The following DDOST variants were observed in gnomAD, a reference collection of about 807,000 sequenced individuals.
DDOST encodes the protein dolichyl-diphosphooligosaccharide--protein glycosyltransferase 48 kDa subunit.
DDOST carries 25 observed loss-of-function variants against 47.6 expected under a neutral mutation model. That is an observed-to-expected ratio of 0.53 (90% confidence interval 0.38 to 0.73). The LOEUF is 0.73. Among genes scored for constraint, DDOST ranks in the 30% least tolerant of loss-of-function variants. The pLI is 0.00. For missense variants in DDOST, 526 were observed against 573.9 expected (o/e 0.92, Z 0.85); for synonymous variants, 275 against 236.0 (o/e 1.17, Z -1.51).
chr1:20,660,775 T>A lies in DDOST; in HGVS notation c.265+106A>T. On this transcript the variant is annotated intron_variant, in intron 2 of 10. Transcript: ENST00000602624. ...TCTCCGTGGTAGCACCATCCAGGAC[T>A]GGCAACCCATCCTGTGACCCAGGAC... 4.4e-6 allele frequency: 3 copies of A among 686,580 alleles called. No homozygotes were observed. The South Asian group carries it at 5.2e-5, about 12-fold the overall frequency. 42.5% of individuals were successfully genotyped at this position (686,580 alleles called of 1,614,324 possible). A position where few individuals can be genotyped will look rare whatever the true frequency, so the allele number is the denominator to read the frequency against.
chr1:20,661,138 C>T (rs947926749), intron 1 of DDOST, 59 bp downstream of exon 1: 2 of 1,569,208 alleles, frequency 1.3e-6, no homozygotes, highest in Non-Finnish European at 1.7e-6. Flanking sequence ...TGGTCAATGC[C>T]CTCGATGCTG....
intron 2 of DDOST, among the ~76,000 whole-genome samples, chr1:20,656,438 C>T (rs1349957176): frequency 6.6e-6 from 1 of 152,220 alleles, no homozygotes; most frequent in Non-Finnish European, 1.5e-5. Context: ...AACAGTCAAA[C>T]ATCCACTAAT....
rs184384404 is a variant in DDOST at position 20,655,762 on chromosome 1, G to A, written c.370C>T (p.Leu124=). 1.7e-5 allele frequency: 27 copies of A among 1,614,056 alleles called. No homozygotes were observed. In the East Asian group the frequency reaches 5.8e-4, roughly 35 times the overall value. ...SSDIGDPLRE[L]GSECGIEFDE... ...AACTCAATCCCGCACTCACTGCCCAGCTCTCGAAGAGGGTCACCTGCACAG... is the reference window on the plus strand; with the variant it reads ...AACTCAATCCCGCACTCACTGCCCAACTCTCGAAGAGGGTCACCTGCACAG... Residue 124 remains leucine, a synonymous_variant, in exon 4 of 11, where the codon CTG becomes TTG. Transcript: ENST00000602624.
chr1:20,660,821 A>G (rs1461507124), intron 2 of DDOST, 60 bp downstream of exon 2: 2 of 996,158 alleles, frequency 2.0e-6, no homozygotes, highest in Admixed American at 1.8e-5. Flanking sequence ...ACCAGAAGAA[A>G]GCAATCCATC....
intron 1 of DDOST, 39 bp from the exon 2 acceptor site, chr1:20,661,030 G>T: frequency 6.5e-7 from 1 of 1,535,322 alleles, no homozygotes; most frequent in Non-Finnish European, 9.0e-7. Context: ...AAGACGGGAC[G>T]CGAAGGGAAA....
At chr1:20,655,924 G>T in intron 3 of DDOST, 145 bp from the exon 4 acceptor site, 1 of 829,190 alleles carries the variant, frequency 1.2e-6, no homozygotes. Flanking sequence ...TGGACCCCTG[G>T]ACAGCAGTGT....
At chr1:20,657,963 G>A (rs1013425851) in intron 2 of DDOST, among the ~76,000 whole-genome samples, 1 of 136,954 alleles carries the variant, frequency 7.3e-6, no homozygotes, top group Non-Finnish European at 1.6e-5. Context: ...TAACAGGGAA[G>A]TGGCCACTGG....
Position 20,653,705 on chromosome 1 carries a change from G to A in DDOST, c.864C>T (p.Val288=). 6.2e-7 allele frequency: 1 copy of A among 1,614,140 alleles called. No individual in the cohort carries two copies. Among genetic ancestry groups the A allele is most frequent in the Non-Finnish European group, 8.5e-7 (1 of 1,180,004 alleles). The change falls in exon 8 of 11, where the codon GTC becomes GTT. Residue 288 remains valine, a synonymous_variant. Transcript: ENST00000602624. Reference sequence around the variant, plus strand: ...GATGGGACACAGGCCCCACACGGAGGACACCCTCCTCCTTGAACACCCAGC... The same window carrying A: ...GATGGGACACAGGCCCCACACGGAGAACACCCTCCTCCTTGAACACCCAGC... ...LSRWVFKEEG[V]LRVGPVSHHR...
At chr1:20,659,747 T>C (rs2053415701) in intron 2 of DDOST, among the ~76,000 whole-genome samples, 2 of 151,998 alleles carry the variant, frequency 1.3e-5, no homozygotes, top group South Asian at 4.2e-4. Context: ...AGGGATTCGG[T>C]GGAACTGAAT....
rs1051670 is a variant in DDOST at position 20,652,451 on chromosome 1, G to A, written c.1248C>T (p.Phe416=). ...PSAYPYYASA[F]SMMLGLFIFS... is the part of the protein sequence containing the mutation. ...AGATGAAGAGCCCCAGCATCATGGA[G>A]AAGGCGCTGGCGTAGTAGGGGTAGG... The change falls in exon 11 of 11, where the codon TTC becomes TTT. Residue 416 remains phenylalanine, a synonymous_variant. Coordinates refer to ENST00000602624, the MANE Select transcript of DDOST (RefSeq NM_005216.5). 1 of 1,613,876 alleles carries A rather than the reference G, an allele frequency of 6.2e-7. No individual in the cohort carries two copies. Among genetic ancestry groups the A allele is most frequent in the Admixed American group, 1.7e-5 (1 of 59,996 alleles).
At position 20,652,345 on chromosome 1, in the gene DDOST, C is replaced by CGTCTCCACG. The variant is rs2053301872; in HGVS notation, c.*25_*33dup. 6.5e-7 allele frequency: 1 copy of CGTCTCCACG among 1,547,968 alleles called. No individual in the cohort carries two copies. Reference sequence around the variant, plus strand: ...ATCCTAATAACCCCCCTCCTTGCCCCGTCTCCACGCTGTGCGGAGAGGGCT... The same window carrying CGTCTCCACG: ...ATCCTAATAACCCCCCTCCTTGCCCCGTCTCCACGGTCTCCACGCTGTGCGGAGAGGGCT... On this transcript the variant is annotated 3_prime_UTR_variant, in exon 11 of 11. Transcript: ENST00000602624.
rs2053370502 is a variant in DDOST at position 20,656,166 on chromosome 1, A to G, written c.287T>C (p.Val96Ala). ...SVEDFGGNINVETISAFIDGG... is the reference protein window; with the variant it reads ...SVEDFGGNINAETISAFIDGG... Reference sequence around the variant, plus strand: ...GTCAATAAAGGCACTGATGGTCTCCACGTTGATGTTGCCTCCAAAATCTGA... The same window carrying G: ...GTCAATAAAGGCACTGATGGTCTCCGCGTTGATGTTGCCTCCAAAATCTGA... The change falls in exon 3 of 11, where the codon GTG (valine) becomes GCG (alanine). Residue 96 changes from valine (V) to alanine (A), a missense_variant. Physicochemically the swap from Val to Ala is moderately conservative, Grantham distance 64. Transcript: ENST00000602624. The G allele has an allele frequency of 4.3e-6, 7 of 1,614,106 alleles. No homozygotes were observed. The Admixed American group carries it at 8.3e-5, about 19-fold the overall frequency.
chr1:20,659,992 C>T (rs551050537), intron 2 of DDOST, among the ~76,000 whole-genome samples: 249 of 152,300 alleles, frequency 1.6e-3, no homozygotes, highest in Admixed American at 5.0e-3. Context: ...TCCTGTCTTA[C>T]CCAGACAGGG....
chr1:20,660,823 C>A, intron 2 of DDOST, 58 bp downstream of exon 2: 2 of 1,010,894 alleles, frequency 2.0e-6, no homozygotes, highest in East Asian at 2.4e-5. Context: ...CAGAAGAAAG[C>A]AATCCATCAA....
chr1:20,654,517 T>G (rs1158540452), intron 6 of DDOST, 97 bp downstream of exon 6: 1 of 1,384,590 alleles, frequency 7.2e-7, no homozygotes, highest in Non-Finnish European at 1.0e-6. Flanking sequence ...CTTCTGCCCA[T>G]GCCCCACCCC....
Position 20,652,194 on chromosome 1 carries a change from G to A in DDOST, c.*185C>T, listed in dbSNP as rs1171370325. 1.4e-5 allele frequency: 8 copies of A among 562,498 alleles called. No individual in the cohort carries two copies. In the Admixed American group the frequency reaches 1.9e-4, roughly 13 times the overall value. 34.8% of individuals were successfully genotyped at this position (562,498 alleles called of 1,614,324 possible). A position where few individuals can be genotyped will look rare whatever the true frequency, so the allele number is the denominator to read the frequency against. On this transcript the variant is annotated 3_prime_UTR_variant, in exon 11 of 11. Transcript: ENST00000602624. ...AATGCCACTTTTAGCAATTCAAAGT[G>A]GAAAAACTTCTTTTATATAAAAATT...
rs778007667 is a variant in DDOST, at chr1:20,660,838, C to G, written c.265+43G>C. On this transcript the variant is annotated intron_variant, in intron 2 of 10. Coordinates refer to ENST00000602624, the MANE Select transcript of DDOST (RefSeq NM_005216.5). ...CAGAAGAAAGCAATCCATCAAGTCC[C>G]GGGTCTCGAATTCCAGTGCTAGGGG... 2.6e-6 allele frequency: 3 copies of G among 1,175,662 alleles called. No homozygotes were observed. In the Admixed American group the frequency reaches 5.2e-5, roughly 21 times the overall value. 72.8% of individuals were successfully genotyped at this position (1,175,662 alleles called of 1,614,324 possible).
intron 8 of DDOST, among the ~76,000 whole-genome samples, chr1:20,653,312 C>T (rs1430811999): frequency 2.0e-5 from 3 of 152,200 alleles, no homozygotes; most frequent in Non-Finnish European, 4.4e-5. Context: ...CTTTCTCTTG[C>T]CTAACAAATT....
intron 7 of DDOST, 61 bp downstream of exon 7, chr1:20,654,162 C>T: frequency 6.5e-7 from 1 of 1,527,318 alleles, no homozygotes. Context: ...CTTCTGAGTC[C>T]TCCCCATATA....
Sources: allele counts gnomAD v4.1 joint callset (sites outside exome capture counted in the v4.1 genomes callset), GRCh38; gene constraint gnomAD v4.1.1; transcripts MANE v1.5; gene names NCBI Gene and HGNC (gene_info 2026-07-23, HGNC 2026-07-21).